GABBR2: variants seen among roughly 807,000 people sequenced by gnomAD.
GABBR2 encodes the protein G-protein coupled receptor 51.
GABBR2 carries 23 observed loss-of-function variants against 105.6 expected under a neutral mutation model. The ratio of observed to expected loss-of-function variants is 0.22; its 90% CI spans 0.16 to 0.31. GABBR2 has a LOEUF of 0.31. Among genes scored for constraint, GABBR2 ranks in the 10% least tolerant of loss-of-function variants. GABBR2 has a pLI of 1.00. For synonymous variants in GABBR2, 478 were observed against 499.7 expected (o/e 0.96, Z 0.58); for missense variants, 734 against 1,245.5 (o/e 0.59, Z 6.18).
At chr9:98,582,436 C>T (rs533330437) in intron 1 of GABBR2, among the ~76,000 whole-genome samples, 125 of 152,282 alleles carry the variant, frequency 8.2e-4, no homozygotes, top group Middle Eastern at 6.8e-3. Context: ...ACGAACCCAG[C>T]CCAGATGACA....
At chr9:98,384,101 G>A (rs994951846) in intron 11 of GABBR2, among the ~76,000 whole-genome samples, 4 of 152,158 alleles carry the variant, frequency 2.6e-5, no homozygotes, top group South Asian at 2.1e-4. Flanking sequence ...ACTCAGCACC[G>A]ATCTTTTGAC....
chr9:98,529,347 C>T (rs1828021063), intron 3 of GABBR2, among the ~76,000 whole-genome samples: 1 of 152,222 alleles, frequency 6.6e-6, no homozygotes, highest in African/African-American at 2.4e-5. Flanking sequence ...AGCACTGTAG[C>T]CATTAGGAGT....
At chr9:98,559,975 A>AACAC (rs3029105) in intron 2 of GABBR2, among the ~76,000 whole-genome samples, 1,768 of 150,352 alleles carry the variant, frequency 0.012, 32 homozygotes, top group African/African-American at 0.04. Context: ...ATGAGGAACA[A>AACAC]ACACACACAC....
chr9:98,420,751 A>G (rs1832768660), intron 7 of GABBR2, among the ~76,000 whole-genome samples: 1 of 152,178 alleles, frequency 6.6e-6, no homozygotes, highest in Non-Finnish European at 1.5e-5. Flanking sequence ...TCACCAGGCA[A>G]AAGGGAAGGT....
intron 3 of GABBR2, among the ~76,000 whole-genome samples, chr9:98,539,466 T>C (rs1181462423): frequency 6.6e-6 from 1 of 152,178 alleles, no homozygotes; most frequent in Non-Finnish European, 1.5e-5. Context: ...TCCTGACTTT[T>C]CTGTGAACAA....
At chr9:98,682,745 A>T (rs909634059) in intron 1 of GABBR2, among the ~76,000 whole-genome samples, 1 of 152,122 alleles carries the variant, frequency 6.6e-6, no homozygotes, top group Non-Finnish European at 1.5e-5. Context: ...CTCATATTTT[A>T]AAAAATAAGC....
At chr9:98,678,516 T>C (rs1377347953) in intron 1 of GABBR2, among the ~76,000 whole-genome samples, 2 of 152,208 alleles carry the variant, frequency 1.3e-5, no homozygotes, top group African/African-American at 4.8e-5. Context: ...AATTAGCACT[T>C]GACAAGCACT....
At chr9:98,675,820 G>A (rs192834165) in intron 1 of GABBR2, among the ~76,000 whole-genome samples, 1 of 152,314 alleles carries the variant, frequency 6.6e-6, no homozygotes, top group Non-Finnish European at 1.5e-5. Flanking sequence ...GGGTGGTATG[G>A]AGGAAGGCAG....
chr9:98,469,407 C>T (rs897656240), intron 6 of GABBR2, among the ~76,000 whole-genome samples: 2 of 152,192 alleles, frequency 1.3e-5, no homozygotes, highest in Non-Finnish European at 2.9e-5. Flanking sequence ...GGTCCCTCCC[C>T]TGACACATAG....
chr9:98,401,639 C>T (rs566575720), intron 8 of GABBR2, among the ~76,000 whole-genome samples: 15 of 152,222 alleles, frequency 9.9e-5, no homozygotes, highest in African/African-American at 3.4e-4. Flanking sequence ...GACAGTCTGA[C>T]GAAATGGCCT....
intron 7 of GABBR2, among the ~76,000 whole-genome samples, chr9:98,448,591 A>G (rs1438416561): frequency 6.6e-6 from 1 of 151,874 alleles, no homozygotes; most frequent in Non-Finnish European, 1.5e-5. Flanking sequence ...TAAATTTTGT[A>G]TTTTTTTGTA....
At chr9:98,615,663 G>A (rs572693838) in intron 1 of GABBR2, among the ~76,000 whole-genome samples, 46 of 152,198 alleles carry the variant, frequency 3.0e-4, no homozygotes, top group African/African-American at 1.1e-3. Context: ...AGGAATAATC[G>A]GTGTCGACCC....
chr9:98,359,394 CACTCCAGCCTAGGTGACAGAGTGAG>C (rs1386899690), intron 13 of GABBR2, among the ~76,000 whole-genome samples: 1 of 152,152 alleles, frequency 6.6e-6, no homozygotes, highest in Non-Finnish European at 1.5e-5. Context: ...CATGCCACTG[CACTCCAGCCTAGGTGACAGAGTGAG>C]ACTCTGTCTC....
chr9:98,579,751 T>C (rs1828973899), intron 1 of GABBR2, among the ~76,000 whole-genome samples: 1 of 152,122 alleles, frequency 6.6e-6, no homozygotes, highest in Non-Finnish European at 1.5e-5. Flanking sequence ...AAAAAAGGAA[T>C]AAGATAAGAG....
At chr9:98,374,326 A>T (rs1259061119) in intron 11 of GABBR2, among the ~76,000 whole-genome samples, 1 of 152,246 alleles carries the variant, frequency 6.6e-6, no homozygotes, top group Non-Finnish European at 1.5e-5. Flanking sequence ...GGAAACTGCA[A>T]TATGTTGCCA....
At chr9:98,701,354 A>G (rs1260489993) in intron 1 of GABBR2, among the ~76,000 whole-genome samples, 1 of 152,224 alleles carries the variant, frequency 6.6e-6, no homozygotes, top group Non-Finnish European at 1.5e-5. Context: ...GCTAGGTGTG[A>G]GGAATTTCTG....
rs760559434 is a variant in GABBR2, at chr9:98,299,221, T to C, written c.2542+3A>G. The stretch of plus-strand genomic sequence containing the variant: ...CCACATTCTGGGGCCCTGGCTCTCT[T>C]ACCTGTGCTCTCAGTGAAGTTTCCC... On this transcript the variant is annotated splice_donor_region_variant and intron_variant, in intron 17 of 18. Coordinates refer to ENST00000259455, the MANE Select transcript of GABBR2 (RefSeq NM_005458.8). 1 of 1,613,734 alleles carries C rather than the reference T, an allele frequency of 6.2e-7. No individual in the cohort carries two copies. Among genetic ancestry groups the C allele is most frequent in the South Asian group, 1.1e-5 (1 of 91,066 alleles).
In GABBR2 at chr9:98,385,612, T is replaced by C. The variant is rs753258626; in HGVS notation, c.1662+28A>G. ...GTCACCAAGGAAACTTTCTATCATA[T>C]ACCACTGGCTTATGCAGAATGACTT... On this transcript the variant is annotated intron_variant, in intron 11 of 18. Transcript: ENST00000259455. The C allele has an allele frequency of 6.9e-6, 11 of 1,602,096 alleles. No homozygotes were observed. In the Admixed American group the frequency reaches 1.9e-4, roughly 27 times the overall value.
chr9:98,392,462 T>A (rs1832198763), intron 9 of GABBR2, among the ~76,000 whole-genome samples: 1 of 152,170 alleles, frequency 6.6e-6, no homozygotes, highest in Non-Finnish European at 1.5e-5. Flanking sequence ...TACTTGACGA[T>A]ATGTCTGGTG....
Sources: allele counts gnomAD v4.1 joint callset (sites outside exome capture counted in the v4.1 genomes callset), GRCh38; gene constraint gnomAD v4.1.1; transcripts MANE v1.5; gene names NCBI Gene and HGNC (gene_info 2026-07-23, HGNC 2026-07-21).